Variants in UBE2D2 observed in about 807,000 individuals in gnomAD.
UBE2D2 encodes ubiquitin conjugating enzyme E2 D2.
In UBE2D2, 2 loss-of-function variants were observed where a neutral mutation model predicts 24.2. The observed-to-expected ratio is 0.08, with a 90% confidence interval of 0.03 to 0.26. The LOEUF (loss-of-function observed/expected upper bound fraction) is 0.26. Ranked by LOEUF, UBE2D2 falls within the 10% of genes least tolerant of loss-of-function variation. The probability of loss-of-function intolerance (pLI) is 1.00; values close to 1 mark genes in which losing one functional copy is unlikely to be tolerated. For missense variants in UBE2D2, 44 were observed against 177.6 expected, an observed-to-expected ratio of 0.25 and a Z score of 4.28; for synonymous variants, 58 against 56.5, an observed-to-expected ratio of 1.03 and a Z score of -0.12.
chr5:139,554,188 T>G (rs945885092), intron 1 of UBE2D2, among the ~76,000 whole-genome samples: 21 of 152,172 alleles, frequency 1.4e-4, no homozygotes, highest in African/African-American at 4.8e-4. Context: ...CATTTTTTTT[T>G]TAAAGGCTCA....
intron 1 of UBE2D2, among the ~76,000 whole-genome samples, chr5:139,550,761 T>C (rs1045784250): frequency 1.3e-5 from 2 of 151,576 alleles, no homozygotes; most frequent in Admixed American, 6.6e-5. Context: ...TAATACTCAC[T>C]GTGAAAGTCT....
chr5:139,542,866 G>A (rs1752777140), intron 1 of UBE2D2, among the ~76,000 whole-genome samples: 2 of 152,174 alleles, frequency 1.3e-5, no homozygotes, highest in African/African-American at 4.8e-5. Flanking sequence ...GTTTGTTTCT[G>A]TGTTGTTTTA....
intron 2 of UBE2D2, among the ~76,000 whole-genome samples, chr5:139,610,679 C>G (rs556577598): frequency 1.3e-5 from 2 of 151,946 alleles, no homozygotes; most frequent in East Asian, 3.9e-4. Flanking sequence ...TCGAGACCAG[C>G]CTGGGCAACG....
Position 139,628,080 on chromosome 5 carries a change from T to C in UBE2D2, c.*1279T>C, listed in dbSNP as rs1452323840. ...TGATTGTAATTATAAAAGAGCAACA[T>C]TGACCAAACCTGGGAAACAAGAGCA... On this transcript the variant is annotated 3_prime_UTR_variant, in exon 7 of 7. Transcript: ENST00000398733. The C allele has an allele frequency of 6.6e-6, 1 of 152,650 alleles. No individual in the cohort carries two copies. The highest frequency in any genetic ancestry group is 2.4e-5 in the African/African-American group (1 of 41,460). The allele number at this position is 152,650 out of a possible 1,614,324, so 9.5% of individuals were successfully genotyped here. A position where few individuals can be genotyped will look rare whatever the true frequency, so the allele number is the denominator to read the frequency against.
In UBE2D2 at chr5:139,592,778, A is replaced by G. The variant is rs1210190318; in HGVS notation, c.25-7594A>G. Reference sequence around the variant, plus strand: ...CCACGATGCCCGGCTAATTTTTTGTATTTTTAGTAGAGATGGCGTTTCACT... The same window carrying G: ...CCACGATGCCCGGCTAATTTTTTGTGTTTTTAGTAGAGATGGCGTTTCACT... On this transcript the variant is annotated intron_variant, in intron 1 of 6. Coordinates refer to ENST00000398733, the MANE Select transcript of UBE2D2 (RefSeq NM_003339.3). 2.0e-5 allele frequency among the ~76,000 whole-genome samples: 3 copies of G among 147,432 alleles called. No individual in the cohort carries two copies. In the Admixed American group the frequency reaches 2.0e-4, roughly 10 times the overall value.
intron 1 of UBE2D2, among the ~76,000 whole-genome samples, chr5:139,548,184 T>TAAA (rs1420608616): frequency 6.4e-5 from 3 of 46,882 alleles, no homozygotes; most frequent in East Asian, 6.5e-4. Context: ...AAAAAAAAAA[T>TAAA]AAAAAAAAAA....
upstream of UBE2D2, chr5:139,561,131 C>G (rs1189933602): frequency 6.6e-6 from 1 of 152,638 alleles, no homozygotes; most frequent in Non-Finnish European, 1.5e-5. Flanking sequence ...GCCTGCAGAA[C>G]TCGCGCTCTA....
intron 1 of UBE2D2, among the ~76,000 whole-genome samples, chr5:139,585,571 T>G (rs1753711210): frequency 6.6e-6 from 1 of 152,112 alleles, no homozygotes; most frequent in African/African-American, 2.4e-5. Flanking sequence ...TTGGGCTGAA[T>G]GGACTAGACT....
intron 1 of UBE2D2, among the ~76,000 whole-genome samples, chr5:139,593,017 G>A (rs1448319737): frequency 7.3e-6 from 1 of 137,182 alleles, no homozygotes; most frequent in African/African-American, 2.7e-5. Context: ...TTTTTTTGAG[G>A]CAGAGTCTCG....
Position 139,628,294 on chromosome 5 carries a change from T to C in UBE2D2, c.*1493T>C, listed in dbSNP as rs1384602103. On this transcript the variant is annotated 3_prime_UTR_variant, in exon 7 of 7. Coordinates refer to ENST00000398733, the MANE Select transcript of UBE2D2 (RefSeq NM_003339.3). ...ATGTGAACTAGGCAAGTTACCTTTT[T>C]TCCCCCCTTCTTTTCCTAATTGTAA... 1 of 152,670 alleles carries C rather than the reference T, an allele frequency of 6.6e-6. No individual in the cohort carries two copies. The highest frequency in any genetic ancestry group is 1.9e-4 in the East Asian group (1 of 5,204). The allele number at this position is 152,670 out of a possible 1,614,324, so 9.5% of individuals were successfully genotyped here.
intron 1 of UBE2D2, among the ~76,000 whole-genome samples, chr5:139,554,145 C>T (rs1284125261): frequency 1.3e-5 from 2 of 152,128 alleles, no homozygotes; most frequent in Non-Finnish European, 2.9e-5. Flanking sequence ...ATAGAAAGAA[C>T]ATTTCCATTA....
At chr5:139,540,182 G>T (rs144376648) in intron 1 of UBE2D2, among the ~76,000 whole-genome samples, 1 of 152,088 alleles carries the variant, frequency 6.6e-6, no homozygotes, top group South Asian at 2.1e-4. Flanking sequence ...ACCTCCCAAA[G>T]TGCTGGGATT....
At chr5:139,624,170 A>C (rs910843891) in intron 6 of UBE2D2, among the ~76,000 whole-genome samples, 2 of 152,240 alleles carry the variant, frequency 1.3e-5, no homozygotes, top group Non-Finnish European at 2.9e-5. Flanking sequence ...AATAAATGCC[A>C]TTAGACGTGA....
chr5:139,577,304 T>TA (rs1187297406), intron 1 of UBE2D2, among the ~76,000 whole-genome samples: 1 of 152,124 alleles, frequency 6.6e-6, no homozygotes, highest in Non-Finnish European at 1.5e-5. Flanking sequence ...TACTGAAACT[T>TA]ACCTGTATGC....
intron 1 of UBE2D2, among the ~76,000 whole-genome samples, chr5:139,536,043 C>T (rs939371746): frequency 6.6e-6 from 1 of 151,658 alleles, no homozygotes; most frequent in Non-Finnish European, 1.5e-5. Flanking sequence ...CAGGCACCCA[C>T]CACCACACCC....
rs981224860 is a variant in UBE2D2 at position 139,537,761 on chromosome 5, G to A, written c.-64+11149G>A. On this transcript the variant is annotated intron_variant, in intron 1 of 6. Coordinates refer to the UBE2D2 transcript ENST00000511725. ...GGGCGGATCACGAGGTCAGGAGATT[G>A]AGACCATCCTGGCTAACACGGTGAG... 4.0e-5 allele frequency among the ~76,000 whole-genome samples: 6 copies of A among 151,878 alleles called. No homozygotes were observed. The East Asian group carries it at 8.0e-4, about 20-fold the overall frequency.
At chr5:139,534,526 A>G (rs1752640952) in intron 1 of UBE2D2, among the ~76,000 whole-genome samples, 3 of 150,538 alleles carry the variant, frequency 2.0e-5, no homozygotes, top group Non-Finnish European at 3.0e-5. Flanking sequence ...AGATCGCGCC[A>G]CTGCACTCCA....
At chr5:139,527,547 C>T (rs1752555844) in intron 1 of UBE2D2, among the ~76,000 whole-genome samples, 1 of 151,988 alleles carries the variant, frequency 6.6e-6, no homozygotes, top group Non-Finnish European at 1.5e-5. Context: ...CTAGTCAAAA[C>T]ACATAAAGAA....
chr5:139,595,453 A>T (rs1317390601), intron 1 of UBE2D2, among the ~76,000 whole-genome samples: 1 of 151,644 alleles, frequency 6.6e-6, no homozygotes, highest in Non-Finnish European at 1.5e-5. Flanking sequence ...ATGTTGTCTC[A>T]CTACAACCTC....
Sources: allele counts gnomAD v4.1 joint callset (sites outside exome capture counted in the v4.1 genomes callset), GRCh38; gene constraint gnomAD v4.1.1; transcripts MANE v1.5; gene names NCBI Gene and HGNC (gene_info 2026-07-23, HGNC 2026-07-21).